Variants in KAZN observed in about 807,000 individuals in gnomAD.
KAZN encodes kazrin.
In KAZN, 40 loss-of-function variants were observed where a neutral mutation model predicts 87.4. That is an observed-to-expected ratio of 0.46 (90% CI 0.36 to 0.60). The LOEUF (loss-of-function observed/expected upper bound fraction) is 0.60. Among genes scored for constraint, KAZN ranks in the 20% least tolerant of loss-of-function variants. The pLI, the probability that KAZN is intolerant of heterozygous loss-of-function variation, is 0.00. For synonymous variants in KAZN, 466 were observed against 458.3 expected (o/e 1.02, Z -0.22); for missense variants, 898 against 1,073.9 (o/e 0.84, Z 2.29).
chr1:14,354,199 A>C (rs1658796498), intron 2 of KAZN, among the ~76,000 whole-genome samples: 1 of 152,210 alleles, frequency 6.6e-6, no homozygotes, highest in Non-Finnish European at 1.5e-5. Context: ...AAAAAAGCCA[A>C]AAACTTTCAG....
At chr1:14,637,063 G>C (rs1025120311) in intron 1 of KAZN, among the ~76,000 whole-genome samples, 12 of 152,136 alleles carry the variant, frequency 7.9e-5, no homozygotes, top group African/African-American at 2.9e-4. Flanking sequence ...TGCCCAGAGA[G>C]CCCAGGGCCC....
At chr1:14,257,955 A>AC (rs766722451) in intron 2 of KAZN, among the ~76,000 whole-genome samples, 2 of 109,536 alleles carry the variant, frequency 1.8e-5, no homozygotes, top group African/African-American at 7.5e-5. Context: ...AAAAAAAAAA[A>AC]CATTAAAAAA....
chr1:14,192,451 G>C (rs494775), intron 2 of KAZN, among the ~76,000 whole-genome samples: 68,486 of 152,024 alleles, frequency 0.45, 16,444 homozygotes, highest in Non-Finnish European at 0.54. Flanking sequence ...GTCAAGCACA[G>C]AGCTTGAATT....
chr1:14,543,891 TAGTA>T (rs1170392851), intron 2 of KAZN, among the ~76,000 whole-genome samples: 2 of 152,204 alleles, frequency 1.3e-5, no homozygotes, highest in African/African-American at 4.8e-5. Context: ...CAGGCATTGT[TAGTA>T]AGACAATTAA....
At chr1:15,003,804 C>T (rs10803338) in intron 2 of KAZN, among the ~76,000 whole-genome samples, 33,691 of 151,902 alleles carry the variant, frequency 0.22, 4,365 homozygotes, top group African/African-American at 0.35. Flanking sequence ...CCAGGTGTGC[C>T]GTAAAATGTC....
chr1:14,063,306 A>G (rs1049252922), intron 1 of KAZN, among the ~76,000 whole-genome samples: 12 of 152,192 alleles, frequency 7.9e-5, no homozygotes, highest in African/African-American at 2.4e-4. Flanking sequence ...ACTATTTTCC[A>G]TAACTAGAAA....
chr1:14,850,131 T>G (rs1341734423), intron 1 of KAZN, among the ~76,000 whole-genome samples: 1 of 152,140 alleles, frequency 6.6e-6, no homozygotes, highest in Non-Finnish European at 1.5e-5. Flanking sequence ...AGACAGGGTT[T>G]CACCATGTTT....
intron 2 of KAZN, among the ~76,000 whole-genome samples, chr1:14,332,579 C>T (rs879878454): frequency 2.6e-5 from 4 of 152,120 alleles, no homozygotes; most frequent in Non-Finnish European, 5.9e-5. Context: ...TGCTCTCATG[C>T]CCCAGCCTGG....
At chr1:13,981,111 G>GTATATATATATATGTATA (rs1638679164) in intron 1 of KAZN, among the ~76,000 whole-genome samples, 2 of 25,790 alleles carry the variant, frequency 7.8e-5, no homozygotes, top group African/African-American at 1.7e-4. Flanking sequence ...ATATATATAT[G>GTATATATATATATGTATA]TATATATAAA....
intron 1 of KAZN, among the ~76,000 whole-genome samples, chr1:14,685,202 T>A (rs1438421907): frequency 6.6e-6 from 1 of 152,122 alleles, no homozygotes; most frequent in African/African-American, 2.4e-5. Flanking sequence ...CCATGCCAGC[T>A]CCCACTGGGA....
At position 14,996,178 on chromosome 1, in the gene KAZN, CT is replaced by C. The variant is rs1667844414; in HGVS notation, c.418+35305del. Among the ~76,000 whole-genome samples the C allele has an allele frequency of 6.6e-6, 1 of 152,136 alleles. No homozygotes were observed. The highest frequency in any genetic ancestry group is 6.5e-5 in the Admixed American group (1 of 15,282). ...TCACTGGGCCTTCTGGGTCTTGGCT[CT>C]TCATGCCCCGCCCACTCCACCCCCA... is the stretch of plus-strand genomic sequence containing the variant. On this transcript the variant is annotated intron_variant, in intron 2 of 14. Transcript: ENST00000376030. This position sits in a 1 kb window ranked among gnomAD's most constrained non-coding sequence, Gnocchi z 5.9.
Position 13,982,880 on chromosome 1 carries a change from T to C in KAZN, c.91+89124T>C, listed in dbSNP as rs182222092. 1.6e-3 allele frequency among the ~76,000 whole-genome samples: 236 copies of C among 151,848 alleles called. 1 individual carries two copies. Among genetic ancestry groups the C allele is most frequent in the African/African-American group, 5.5e-3 (226 of 41,336 alleles). ...AGAGTGCCCATTGGTGTATTTACAA[T>C]CCCTGAGCTAGACATAAAAGTTCTC... On this transcript the variant is annotated intron_variant, in intron 1 of 16. Transcript: ENST00000636203.
chr1:14,727,450 CTTTTTTTTTTTTTTTTTTTTTTTTTTTT>C lies in KAZN; in HGVS notation c.226+128246_226+128273del, dbSNP rs57203868. On this transcript the variant is annotated intron_variant, in intron 1 of 14. Coordinates refer to ENST00000376030, the MANE Select transcript of KAZN (RefSeq NM_201628.3). ...GTCCATCACATTTATTGTGCACTTT[CTTTTTTTTTTTTTTTTTTTTTTTTTTTT>C]TTTTTTTTTTTTTTTTTTGAGAAAG... Among the ~76,000 whole-genome samples, 77 of 73,920 alleles carry C rather than the reference CTTTTTTTTTTTTTTTTTTTTTTTTTTTT, an allele frequency of 1.0e-3. 2 individuals carry two copies. The highest frequency in any genetic ancestry group is 2.3e-3 in the African/African-American group (45 of 19,408). The allele number at this position is 73,920 out of a possible 152,430, so 48.5% of individuals were successfully genotyped here. A position where few individuals can be genotyped will look rare whatever the true frequency, so the allele number is the denominator to read the frequency against.
intron 1 of KAZN, among the ~76,000 whole-genome samples, chr1:14,938,133 C>A (rs1182366145): frequency 6.6e-6 from 1 of 152,110 alleles, no homozygotes; most frequent in Non-Finnish European, 1.5e-5. Context: ...ATTGTTCCAA[C>A]AGTGGGGACC....
chr1:14,727,915 GC>G (rs1643481190), intron 1 of KAZN, among the ~76,000 whole-genome samples: 1 of 152,002 alleles, frequency 6.6e-6, no homozygotes, highest in Admixed American at 6.6e-5. Flanking sequence ...AGATCATCAG[GC>G]ACTGGATTCT....
intron 1 of KAZN, among the ~76,000 whole-genome samples, chr1:14,900,769 GA>G: frequency 8.7e-6 from 1 of 114,662 alleles, no homozygotes; most frequent in African/African-American, 2.8e-5. Flanking sequence ...AAAAAAAAAA[GA>G]GCTATGATCT....
At chr1:14,224,781 T>C (rs1647205210) in intron 2 of KAZN, among the ~76,000 whole-genome samples, 1 of 152,098 alleles carries the variant, frequency 6.6e-6, no homozygotes, top group Admixed American at 6.6e-5. Context: ...TTTTGGCATG[T>C]TGGACTCAAC....
chr1:14,184,130 C>T lies in KAZN; in HGVS notation c.249+3538C>T, dbSNP rs984239942. The stretch of plus-strand genomic sequence containing the variant: ...ATCTCGAACAAAGTCCATCGTTAGG[C>T]GGAAAAGACCTGAAATTTGCTTTAC... On this transcript the variant is annotated intron_variant, in intron 2 of 16. Coordinates refer to the KAZN transcript ENST00000636203. This position sits in a 1 kb window ranked among gnomAD's most constrained non-coding sequence, Gnocchi z 4.2. Among the ~76,000 whole-genome samples, 9 of 152,118 alleles carry T rather than the reference C, an allele frequency of 5.9e-5. No individual in the cohort carries two copies. The highest frequency in any genetic ancestry group is 3.9e-4 in the Admixed American group (6 of 15,270).
chr1:15,045,358 G>T (rs533837575), intron 4 of KAZN, among the ~76,000 whole-genome samples: 8 of 152,186 alleles, frequency 5.3e-5, no homozygotes, highest in Non-Finnish European at 1.0e-4. Context: ...ACTTTGGGCA[G>T]GAGCCTTCAC....
Sources: allele counts gnomAD v4.1 joint callset (sites outside exome capture counted in the v4.1 genomes callset), GRCh38; gene constraint gnomAD v4.1.1; non-coding constraint Gnocchi (gnomAD v3.1); transcripts MANE v1.5; gene names NCBI Gene and HGNC (gene_info 2026-07-23, HGNC 2026-07-21).